The following MMP26 variants were observed in gnomAD, a reference collection of about 807,000 sequenced individuals.
MMP26 encodes the protein matrix metallopeptidase 26, also known as matrix metalloproteinase-26.
Under a neutral mutation model 31.0 loss-of-function variants are expected in MMP26, and 33 were observed. The observed-to-expected ratio is 1.06, with a 90% confidence interval of 0.81 to 1.42. The LOEUF is 1.42. Ranked by LOEUF, MMP26 falls within the 40% of genes most tolerant of loss-of-function variation. The probability of loss-of-function intolerance (pLI) is 0.00; values close to 1 mark genes in which losing one functional copy is unlikely to be tolerated. For missense variants in MMP26, 347 were observed against 316.1 expected, an observed-to-expected ratio of 1.10 and a Z score of -0.74; for synonymous variants, 122 against 114.9, an observed-to-expected ratio of 1.06 and a Z score of -0.40.
intron 2 of MMP26, chr11:4,945,280 CAA>C (rs1378397750): frequency 6.6e-6 from 1 of 152,068 alleles, no homozygotes; most frequent in African/African-American, 2.4e-5. Context: ...AAATTGGAGT[CAA>C]GAGCATTTTA....
At chr11:4,804,554 T>C (rs1463103145) in intron 2 of MMP26, 1 of 779,302 alleles carries the variant, frequency 1.3e-6, no homozygotes, top group African/African-American at 1.7e-5. Context: ...AATAATATGT[T>C]ACAACATGAC....
In MMP26 at chr11:4,950,057, A is replaced by T. The variant is rs1331678482; in HGVS notation, c.-144-38011A>T. 8.1e-5 allele frequency among the ~76,000 whole-genome samples: 10 copies of T among 123,704 alleles called. 2 individuals carry two copies. Among genetic ancestry groups the T allele is most frequent in the Non-Finnish European group, 1.8e-4 (10 of 54,468 alleles). The allele number at this position is 123,704 out of a possible 152,430, so 81.2% of individuals were successfully genotyped here. A position where few individuals can be genotyped will look rare whatever the true frequency, so the allele number is the denominator to read the frequency against. On this transcript the variant is annotated intron_variant, in intron 2 of 7. Coordinates refer to ENST00000380390, the MANE Select transcript of MMP26 (RefSeq NM_021801.5). Reference sequence around the variant, plus strand: ...TGATTTATGACAGTGACACAATTCTATAAGGAATAGATGGTATTTACAATA... The same window carrying T: ...TGATTTATGACAGTGACACAATTCTTTAAGGAATAGATGGTATTTACAATA...
chr11:4,912,093 A>C (rs991963606), intron 2 of MMP26, among the ~76,000 whole-genome samples: 1 of 152,106 alleles, frequency 6.6e-6, no homozygotes, highest in Admixed American at 6.5e-5. Flanking sequence ...CTGTGTTATT[A>C]TGTTTATGTT....
At chr11:4,778,674 A>T (rs1378416520) in intron 2 of MMP26, among the ~76,000 whole-genome samples, 1 of 152,058 alleles carries the variant, frequency 6.6e-6, no homozygotes, top group Non-Finnish European at 1.5e-5. Context: ...TTGATTTGGG[A>T]TTACATATAT....
intron 2 of MMP26, chr11:4,821,797 G>C: frequency 6.2e-7 from 1 of 1,613,030 alleles, no homozygotes; most frequent in Non-Finnish European, 8.5e-7. Context: ...TGATCGTTTT[G>C]TGGCCATCTG....
chr11:4,900,688 T>C (rs968528679), intron 2 of MMP26, among the ~76,000 whole-genome samples: 2 of 152,174 alleles, frequency 1.3e-5, no homozygotes, highest in African/African-American at 4.8e-5. Flanking sequence ...ATCTTTTATA[T>C]AAAGATCTTC....
chr11:4,848,552 C>T (rs1194979696), intron 2 of MMP26: 2 of 1,611,530 alleles, frequency 1.2e-6, no homozygotes, highest in Non-Finnish European at 1.7e-6. Context: ...AGAAAATAAG[C>T]AGGGGGTCCA....
intron 1 of MMP26, among the ~76,000 whole-genome samples, chr11:4,707,228 G>A (rs1263255327): frequency 1.3e-5 from 2 of 152,124 alleles, no homozygotes; most frequent in Non-Finnish European, 2.9e-5. Flanking sequence ...TCATAGCTAT[G>A]AGGTTATATC....
chr11:4,750,173 A>C (rs141062209), intron 1 of MMP26, among the ~76,000 whole-genome samples: 59 of 152,268 alleles, frequency 3.9e-4, no homozygotes, highest in African/African-American at 1.4e-3. Flanking sequence ...CAACAAGCTT[A>C]TGAAAATTGC....
chr11:4,888,347 A>G lies in MMP26; in HGVS notation c.-144-99721A>G, dbSNP rs1435012140. Among the ~76,000 whole-genome samples the G allele has an allele frequency of 2.0e-5, 3 of 152,178 alleles. No homozygotes were observed. The East Asian group carries it at 5.8e-4, about 29-fold the overall frequency. ...TATTTTCTTTTAAAAATATGAAACTATAACAATGCATATTGTGTTATATTG... is the reference window on the plus strand; with the variant it reads ...TATTTTCTTTTAAAAATATGAAACTGTAACAATGCATATTGTGTTATATTG... On this transcript the variant is annotated intron_variant, in intron 2 of 7. Coordinates refer to ENST00000380390, the MANE Select transcript of MMP26 (RefSeq NM_021801.5).
At chr11:4,959,358 A>G (rs928316809) in intron 2 of MMP26, among the ~76,000 whole-genome samples, 1 of 152,174 alleles carries the variant, frequency 6.6e-6, no homozygotes, top group African/African-American at 2.4e-5. Context: ...CAGTTGTTAC[A>G]AAATGCCTTT....
chr11:4,742,089 G>A (rs775657781), intron 1 of MMP26, among the ~76,000 whole-genome samples: 1 of 152,182 alleles, frequency 6.6e-6, no homozygotes, highest in African/African-American at 2.4e-5. Context: ...GCAGTGGTGA[G>A]TTTCCAATGC....
rs78462092 is a variant in MMP26, at chr11:4,989,707, A to G, written c.159A>G (p.Thr53=). The stretch of plus-strand genomic sequence containing the variant: ...AGTCGCCACTCCTTACCCAGGAGAC[A>G]CAAACACAGCTCCTGCAACAATTCC... ...KKESPLLTQE[T]QTQLLQQFHR... is the part of the protein sequence containing the mutation. Residue 53 remains threonine (T), a synonymous_variant, in exon 4 of 8, where the codon ACA becomes ACG. Coordinates refer to ENST00000380390, the MANE Select transcript of MMP26 (RefSeq NM_021801.5). 2.4e-3 allele frequency: 3,952 copies of G among 1,613,894 alleles called. 88 individuals carry two copies. The African/African-American group carries it at 0.044, about 18-fold the overall frequency.
At chr11:4,922,348 A>T (rs1204600503) in intron 2 of MMP26, among the ~76,000 whole-genome samples, 1 of 148,462 alleles carries the variant, frequency 6.7e-6, no homozygotes, top group Non-Finnish European at 1.5e-5. Flanking sequence ...TCTCCTTCTC[A>T]TGACTCCACA....
intron 2 of MMP26, among the ~76,000 whole-genome samples, chr11:4,810,858 G>A (rs1849340398): frequency 6.6e-6 from 1 of 152,182 alleles, no homozygotes; most frequent in African/African-American, 2.4e-5. Flanking sequence ...TAAACACTGA[G>A]GAAGATTTGA....
intron 1 of MMP26, among the ~76,000 whole-genome samples, chr11:4,738,771 G>A (rs1290612817): frequency 6.6e-6 from 1 of 151,640 alleles, no homozygotes. Context: ...ATTTTTGAAA[G>A]CGTTCCTTCT....
At chr11:4,822,022 G>T in intron 2 of MMP26, 14 of 1,613,954 alleles carry the variant, frequency 8.7e-6, no homozygotes, top group Non-Finnish European at 1.2e-5. Flanking sequence ...CAGCATCCTT[G>T]GTCTGTTTGC....
Position 4,848,323 on chromosome 11 carries a change from G to T in MMP26, c.-145+80982G>T, listed in dbSNP as rs1386668303. ...TTCATCTTGACACTATAGAGAATAG[G>T]GTTTATCAATGGAGGAAGAAGGAAA... On this transcript the variant is annotated intron_variant, in intron 2 of 7. Transcript: ENST00000380390. The T allele has an allele frequency of 3.7e-6, 6 of 1,613,866 alleles. No individual in the cohort carries two copies. The African/African-American group carries it at 4.0e-5, about 11-fold the overall frequency.
chr11:4,743,893 C>A (rs1197774492), intron 1 of MMP26, among the ~76,000 whole-genome samples: 2 of 152,124 alleles, frequency 1.3e-5, no homozygotes. Flanking sequence ...GCAGCCTTGA[C>A]CTCCTGGGCT....
Sources: allele counts gnomAD v4.1 joint callset (sites outside exome capture counted in the v4.1 genomes callset), GRCh38; gene constraint gnomAD v4.1.1; transcripts MANE v1.5; gene names NCBI Gene and HGNC (gene_info 2026-07-23, HGNC 2026-07-21).